The following ADGRB3 variants were observed in gnomAD, a reference collection of about 807,000 sequenced individuals.
ADGRB3 encodes the protein brain-specific angiogenesis inhibitor 3.
Under a neutral mutation model 193.4 loss-of-function variants are expected in ADGRB3, and 37 were observed. The observed-to-expected ratio is 0.19, with a 90% CI of 0.15 to 0.25. The LOEUF is 0.25. Ranked by LOEUF, ADGRB3 falls within the 10% of genes least tolerant of loss-of-function variation. The pLI is 1.00. For missense variants in ADGRB3, 1,637 were observed against 1,852.9 expected, an observed-to-expected ratio of 0.88 and a Z score of 2.14; for synonymous variants, 690 against 644.2, an observed-to-expected ratio of 1.07 and a Z score of -1.08.
At chr6:69,311,636 C>T (rs1335701916) in intron 20 of ADGRB3, among the ~76,000 whole-genome samples, 1 of 151,750 alleles carries the variant, frequency 6.6e-6, no homozygotes, top group Non-Finnish European at 1.5e-5. Context: ...CTGAGATTAT[C>T]TCACCTTCCT....
chr6:68,738,678 AT>A lies in ADGRB3; in HGVS notation c.757+99250del, dbSNP rs566995453. The stretch of plus-strand genomic sequence containing the variant: ...GACGTTAAGGTTTTTGGCATGAGCA[AT>A]TTTAAGAATGGAGTTATTTTCTGAG... On this transcript the variant is annotated intron_variant, in intron 3 of 31. Coordinates refer to ENST00000370598, the MANE Select transcript of ADGRB3 (RefSeq NM_001704.3). Among the ~76,000 whole-genome samples, 25 of 152,304 alleles carry A rather than the reference AT, an allele frequency of 1.6e-4. No homozygotes were observed. In the South Asian group the frequency reaches 5.2e-3, roughly 32 times the overall value.
intron 17 of ADGRB3, among the ~76,000 whole-genome samples, chr6:69,227,487 C>A (rs749909234): frequency 6.6e-6 from 1 of 151,930 alleles, no homozygotes; most frequent in Non-Finnish European, 1.5e-5. Context: ...GGGTAAATGG[C>A]GAGAAACACA....
rs534369037 is a variant in ADGRB3, at chr6:69,057,292, ATG to A, written c.2334-5636_2334-5635del. On this transcript the variant is annotated intron_variant, in intron 15 of 31. Transcript: ENST00000370598. ...TTCTTTAATTATAACAAGATTTTTA[ATG>A]TGTGTCTGTGTGTAATCTTTAGGGT... Among the ~76,000 whole-genome samples, 32 of 152,142 alleles carry A rather than the reference ATG, an allele frequency of 2.1e-4. No homozygotes were observed. The East Asian group carries it at 6.2e-3, about 29-fold the overall frequency.
intron 20 of ADGRB3, among the ~76,000 whole-genome samples, chr6:69,298,546 C>T (rs915072119): frequency 3.3e-5 from 5 of 151,894 alleles, no homozygotes; most frequent in African/African-American, 9.7e-5. Flanking sequence ...TCCGTATTAG[C>T]CTGCCCAGCA....
rs146431413 is a variant in ADGRB3, at chr6:69,158,290, T to A, written c.2481-75000T>A. Among the ~76,000 whole-genome samples, 236 of 152,206 alleles carry A rather than the reference T, an allele frequency of 1.6e-3. 3 individuals are homozygous for A. The highest frequency in any genetic ancestry group is 5.3e-3 in the African/African-American group (219 of 41,550). ...TAAACTTGATTAATGTTTGTTAAAT[T>A]GTATTAAATAGCATTGGATAATTGC... is the stretch of plus-strand genomic sequence containing the variant. On this transcript the variant is annotated intron_variant, in intron 17 of 31. Transcript: ENST00000370598.
chr6:69,173,020 GGTTTTTGTTTTT>G lies in ADGRB3; in HGVS notation c.2481-60246_2481-60235del, dbSNP rs1236809818. Among the ~76,000 whole-genome samples the G allele has an allele frequency of 2.0e-4, 21 of 107,192 alleles. No individual in the cohort carries two copies. In the East Asian group the frequency reaches 2.4e-3, roughly 12 times the overall value. 70.3% of individuals were successfully genotyped at this position (107,192 alleles called of 152,430 possible). A position where few individuals can be genotyped will look rare whatever the true frequency, so the allele number is the denominator to read the frequency against. On this transcript the variant is annotated intron_variant, in intron 17 of 31. Coordinates refer to ENST00000370598, the MANE Select transcript of ADGRB3 (RefSeq NM_001704.3). ...GGCCAGGAGAGTTGTGTGGGGTTTT[GGTTTTTGTTTTT>G]GTTTTTGTTTTTGTTTTTGTTTTGA...
rs3839463 is a variant in ADGRB3, at chr6:69,033,376, C to CAACTAT, written c.2108-14808_2108-14803dup. On this transcript the variant is annotated intron_variant, in intron 13 of 31. Coordinates refer to ENST00000370598, the MANE Select transcript of ADGRB3 (RefSeq NM_001704.3). The stretch of plus-strand genomic sequence containing the variant: ...TTTTTTTCCTTAACATATACTCCAT[C>CAACTAT]AACTATCATCTGCAAAATTTCGCCA... Among the ~76,000 whole-genome samples, 469 of 152,242 alleles carry CAACTAT rather than the reference C, an allele frequency of 3.1e-3. 9 individuals carry two copies. In the East Asian group the frequency reaches 0.063, roughly 20 times the overall value.
chr6:69,283,438 G>T (rs904606142), intron 20 of ADGRB3, among the ~76,000 whole-genome samples: 1 of 152,010 alleles, frequency 6.6e-6, no homozygotes, highest in Non-Finnish European at 1.5e-5. Flanking sequence ...TTGGGTAGAG[G>T]CCTTTCCACT....
At chr6:69,100,867 A>G (rs1773019664) in intron 17 of ADGRB3, among the ~76,000 whole-genome samples, 3 of 42,018 alleles carry the variant, frequency 7.1e-5, no homozygotes, top group African/African-American at 1.3e-4. Flanking sequence ...GGAAGGAAGG[A>G]AGGAAGAAGG....
intron 17 of ADGRB3, among the ~76,000 whole-genome samples, chr6:69,193,559 A>G (rs1765239595): frequency 2.0e-5 from 3 of 152,092 alleles, no homozygotes; most frequent in African/African-American, 7.2e-5. Context: ...GAAGTAGACA[A>G]TTTCACCTGT....
intron 20 of ADGRB3, among the ~76,000 whole-genome samples, chr6:69,314,950 G>T (rs1394910359): frequency 6.6e-6 from 1 of 151,490 alleles, no homozygotes; most frequent in African/African-American, 2.4e-5. Flanking sequence ...ATTTGCACGT[G>T]TTGATGGAGT....
chr6:68,891,385 T>C (rs982582613), intron 3 of ADGRB3, among the ~76,000 whole-genome samples: 3 of 152,166 alleles, frequency 2.0e-5, no homozygotes, highest in African/African-American at 7.2e-5. Flanking sequence ...AAGCAGTATG[T>C]ATATTTGAGG....
chr6:68,636,511 GC>G (rs569980363), intron 1 of ADGRB3, among the ~76,000 whole-genome samples: 1 of 151,884 alleles, frequency 6.6e-6, no homozygotes, highest in South Asian at 2.1e-4. Context: ...GCCAGCCTTT[GC>G]CCCCGCCCCC....
chr6:68,895,221 A>AT (rs35758730), intron 3 of ADGRB3, among the ~76,000 whole-genome samples: 1,673 of 147,504 alleles, frequency 0.011, 45 homozygotes, highest in African/African-American at 0.038. Context: ...GCTGAGACTA[A>AT]TTTTTTTTTT....
At chr6:68,858,288 A>C (rs901299590) in intron 3 of ADGRB3, among the ~76,000 whole-genome samples, 1 of 152,076 alleles carries the variant, frequency 6.6e-6, no homozygotes, top group African/African-American at 2.4e-5. Context: ...GTGGATCACA[A>C]GGTCAGGAGT....
At chr6:69,148,126 C>T (rs528731083) in intron 17 of ADGRB3, among the ~76,000 whole-genome samples, 68 of 152,180 alleles carry the variant, frequency 4.5e-4, no homozygotes, top group African/African-American at 1.5e-3. Context: ...AGTCTATTTA[C>T]GTTCAATGTT....
At chr6:68,688,525 A>G (rs73461979) in intron 3 of ADGRB3, among the ~76,000 whole-genome samples, 4,929 of 152,146 alleles carry the variant, frequency 0.032, 138 homozygotes, top group African/African-American at 0.073. Context: ...CTTCACCACA[A>G]CTGGATCTCA....
intron 20 of ADGRB3, among the ~76,000 whole-genome samples, chr6:69,294,227 C>T (rs1048807487): frequency 2.0e-5 from 3 of 151,484 alleles, no homozygotes; most frequent in Non-Finnish European, 2.9e-5. Flanking sequence ...GTACATTGTA[C>T]GTTGGATTTA....
chr6:69,147,269 G>A (rs577221792), intron 17 of ADGRB3, among the ~76,000 whole-genome samples: 2 of 151,936 alleles, frequency 1.3e-5, no homozygotes, highest in African/African-American at 4.8e-5. Flanking sequence ...CCTTTTTGAG[G>A]TATGCACTTG....
Sources: gnomAD v4.1 joint callset for allele counts (sites outside exome capture counted in the v4.1 genomes callset) on GRCh38, gnomAD v4.1.1 for gene constraint, MANE v1.5 for transcripts, NCBI Gene and HGNC (gene_info 2026-07-23, HGNC 2026-07-21) for gene names.